The following TOP1 variants were observed in gnomAD, a reference collection of about 807,000 sequenced individuals.
TOP1 encodes DNA topoisomerase I.
Under a neutral mutation model 111.1 loss-of-function variants are expected in TOP1, and 10 were observed. The ratio of observed to expected loss-of-function variants is 0.09; its 90% CI spans 0.06 to 0.15. The LOEUF is 0.15. Among genes scored for constraint, TOP1 ranks in the 10% least tolerant of loss-of-function variants. The pLI, the probability that TOP1 is intolerant of heterozygous loss-of-function variation, is 1.00. For synonymous variants in TOP1, 271 were observed against 302.9 expected (o/e 0.89, Z 1.10); for missense variants, 474 against 926.7 (o/e 0.51, Z 6.34).
rs541856166 is a variant in TOP1, at chr20:41,080,282, T to C, written c.431+102T>C. The C allele has an allele frequency of 1.8e-5, 12 of 684,928 alleles. No individual in the cohort carries two copies. The African/African-American group carries it at 1.8e-4, about 11-fold the overall frequency. The allele number at this position is 684,928 out of a possible 1,614,324, so 42.4% of individuals were successfully genotyped here. ...ATAATACATATAGAAACTGCATTAA[T>C]TGGCTTTTACTCATTTGGAATTTGT... On this transcript the variant is annotated intron_variant, in intron 6 of 20. Coordinates refer to ENST00000361337, the MANE Select transcript of TOP1 (RefSeq NM_003286.4). The surrounding 1 kb of genome is among the most constrained non-coding windows in gnomAD (Gnocchi z 5.0).
At chr20:41,091,539 G>A (rs2033919391) in intron 8 of TOP1, among the ~76,000 whole-genome samples, 1 of 146,800 alleles carries the variant, frequency 6.8e-6, no homozygotes, top group African/African-American at 2.5e-5. Context: ...AGGAAATGTA[G>A]CAAATTATTA....
At chr20:41,059,449 T>TA (rs2033516989) in intron 2 of TOP1, among the ~76,000 whole-genome samples, 1 of 149,986 alleles carries the variant, frequency 6.7e-6, no homozygotes, top group Non-Finnish European at 1.5e-5. Flanking sequence ...AATAAATAAA[T>TA]AAATAAATAA....
At chr20:41,073,238 A>C (rs2033687654) in intron 3 of TOP1, 2 of 985,390 alleles carry the variant, frequency 2.0e-6, no homozygotes, top group Non-Finnish European at 2.4e-6. Context: ...TTTTCTAGTG[A>C]AAATGGCTAA....
intron 13 of TOP1, among the ~76,000 whole-genome samples, chr20:41,108,639 T>C (rs2034185909): frequency 6.6e-6 from 1 of 152,242 alleles, no homozygotes; most frequent in East Asian, 1.9e-4. Flanking sequence ...CCCAGGATTT[T>C]GATTACACAG....
Position 41,046,975 on chromosome 20 carries a change from A to G in TOP1, c.59-14419A>G, listed in dbSNP as rs1005032781. On this transcript the variant is annotated intron_variant, in intron 2 of 20. Coordinates refer to ENST00000361337, the MANE Select transcript of TOP1 (RefSeq NM_003286.4). The surrounding 1 kb of genome is among the most constrained non-coding windows in gnomAD (Gnocchi z 4.3). Reference sequence around the variant, plus strand: ...TTCAAGTCAAGTTGATTGGCCATTCATGAGCTGTGTGCAGGGAGAGAAGAG... The same window carrying G: ...TTCAAGTCAAGTTGATTGGCCATTCGTGAGCTGTGTGCAGGGAGAGAAGAG... Among the ~76,000 whole-genome samples, 4 of 152,226 alleles carry G rather than the reference A, an allele frequency of 2.6e-5. No homozygotes were observed. The highest frequency in any genetic ancestry group is 6.5e-5 in the Admixed American group (1 of 15,286).
At position 41,118,968 on chromosome 20, in the gene TOP1, G is replaced by A. The variant is rs1225743641; in HGVS notation, c.1950+672G>A. ...TTTGATGATGAACATTTTTGTGTTA[G>A]CAGTGACTTCATAACTAATTCATCC... On this transcript the variant is annotated intron_variant, in intron 18 of 20. Transcript: ENST00000361337. This position sits in a 1 kb window ranked among gnomAD's most constrained non-coding sequence, Gnocchi z 4.6. Among the ~76,000 whole-genome samples, 2 of 152,158 alleles carry A rather than the reference G, an allele frequency of 1.3e-5. No individual in the cohort carries two copies. Among genetic ancestry groups the A allele is most frequent in the African/African-American group, 2.4e-5 (1 of 41,428 alleles).
intron 2 of TOP1, among the ~76,000 whole-genome samples, chr20:41,050,157 C>T (rs1474761792): frequency 6.6e-6 from 1 of 152,230 alleles, no homozygotes; most frequent in African/African-American, 2.4e-5. Context: ...GCTGGGATTA[C>T]AGGTGTGCAT....
At chr20:41,049,841 T>TG (rs895954457) in intron 2 of TOP1, among the ~76,000 whole-genome samples, 2 of 152,170 alleles carry the variant, frequency 1.3e-5, no homozygotes, top group South Asian at 2.1e-4. Context: ...GAGATTTTTT[T>TG]TTTGTTTGTT....
chr20:41,103,964 G>C (rs1256897698), intron 13 of TOP1, among the ~76,000 whole-genome samples: 1 of 152,140 alleles, frequency 6.6e-6, no homozygotes, highest in Non-Finnish European at 1.5e-5. Context: ...ATTTACAGCA[G>C]TGTAAATCTA....
chr20:41,091,592 T>C (rs2033921091), intron 8 of TOP1, among the ~76,000 whole-genome samples: 1 of 132,036 alleles, frequency 7.6e-6, no homozygotes, highest in Admixed American at 9.0e-5. Context: ...AGTCTCACTC[T>C]GTTGCCCAGG....
chr20:41,113,892 A>C (rs920318461), intron 14 of TOP1, 78 bp from the exon 15 acceptor site: 15 of 1,239,480 alleles, frequency 1.2e-5, no homozygotes, highest in East Asian at 2.5e-5. Flanking sequence ...AAAAAAAAAA[A>C]AAAAAAACAC....
rs775899843 is a variant in TOP1 at position 41,058,456 on chromosome 20, C to G, written c.59-2938C>G. On this transcript the variant is annotated intron_variant, in intron 2 of 20. Transcript: ENST00000361337. The surrounding 1 kb of genome is among the most constrained non-coding windows in gnomAD (Gnocchi z 4.2). ...GAAAACTTAATTTAGGCTAGAAGGT[C>G]CACTTCCAGGATGGCTCATTCACAT... Among the ~76,000 whole-genome samples the G allele has an allele frequency of 6.6e-6, 1 of 152,186 alleles. No homozygotes were observed. The highest frequency in any genetic ancestry group is 3.2e-3 in the Middle Eastern group (1 of 316).
chr20:41,115,581 C>T lies in TOP1; in HGVS notation c.1707+142C>T, dbSNP rs1052807749. 1.7e-6 allele frequency: 1 copy of T among 603,114 alleles called. No homozygotes were observed. Among genetic ancestry groups the T allele is most frequent in the Non-Finnish European group, 3.0e-6 (1 of 336,584 alleles). 37.4% of individuals were successfully genotyped at this position (603,114 alleles called of 1,614,324 possible). On this transcript the variant is annotated intron_variant, in intron 16 of 20. Transcript: ENST00000361337. The surrounding 1 kb of genome is among the most constrained non-coding windows in gnomAD (Gnocchi z 6.3). The stretch of plus-strand genomic sequence containing the variant: ...GGCATCCCATACACTCTCTCTTCCT[C>T]CCTCTGAGTCCACGGTGAATCTGTA...
chr20:41,095,091 A>G lies in TOP1; in HGVS notation c.731-2129A>G, dbSNP rs138000840. On this transcript the variant is annotated intron_variant, in intron 9 of 20. Transcript: ENST00000361337. This position sits in a 1 kb window ranked among gnomAD's most constrained non-coding sequence, Gnocchi z 4.6. ...ATTTGAGACAGAGTCACACTCTGTCACCCAGGCTGGAGTGCAGTGGCACAA... is the reference window on the plus strand; with the variant it reads ...ATTTGAGACAGAGTCACACTCTGTCGCCCAGGCTGGAGTGCAGTGGCACAA... Among the ~76,000 whole-genome samples, 1,188 of 152,268 alleles carry G rather than the reference A, an allele frequency of 7.8e-3. 10 individuals carry two copies. Among genetic ancestry groups the G allele is most frequent in the African/African-American group, 0.027 (1,126 of 41,540 alleles).
In TOP1 at chr20:41,071,275, A is replaced by T. The variant is rs1283446991; in HGVS notation, c.156-4896A>T. On this transcript the variant is annotated intron_variant, in intron 3 of 20. Coordinates refer to ENST00000361337, the MANE Select transcript of TOP1 (RefSeq NM_003286.4). This position sits in a 1 kb window ranked among gnomAD's most constrained non-coding sequence, Gnocchi z 4.3. ...TTCTGTGGTCTGCTTAGCTCCAACA[A>T]GAATCATAGACCAAAGGTTTTGCTG... Among the ~76,000 whole-genome samples the T allele has an allele frequency of 6.6e-6, 1 of 152,130 alleles. No homozygotes were observed. The highest frequency in any genetic ancestry group is 2.4e-5 in the African/African-American group (1 of 41,408).
rs2033959369 is a variant in TOP1 at position 41,094,512 on chromosome 20, A to G, written c.730+1925A>G. ...TCTCTTCCTTTTCAAGATAGGAAGC[A>G]GAGGCCTGGTCTAGTTCACAGGTTG... On this transcript the variant is annotated intron_variant, in intron 9 of 20. Transcript: ENST00000361337. This position sits in a 1 kb window ranked among gnomAD's most constrained non-coding sequence, Gnocchi z 4.4. Among the ~76,000 whole-genome samples the G allele has an allele frequency of 6.6e-6, 1 of 152,186 alleles. No individual in the cohort carries two copies.
intron 2 of TOP1, among the ~76,000 whole-genome samples, chr20:41,037,608 C>T (rs1175159470): frequency 6.6e-6 from 1 of 152,050 alleles, no homozygotes; most frequent in African/African-American, 2.4e-5. Flanking sequence ...AACAGTTATG[C>T]GTGAGTATAG....
chr20:41,113,143 T>C (rs1454646313), intron 14 of TOP1, among the ~76,000 whole-genome samples: 1 of 152,234 alleles, frequency 6.6e-6, no homozygotes, highest in African/African-American at 2.4e-5. Flanking sequence ...TTTAGAAAGT[T>C]GGTTATAACT....
rs1014603462 is a variant in TOP1 at position 41,032,972 on chromosome 20, A to G, written c.58+3517A>G. On this transcript the variant is annotated intron_variant, in intron 2 of 20. Transcript: ENST00000361337. This position sits in a 1 kb window ranked among gnomAD's most constrained non-coding sequence, Gnocchi z 4.3. ...AGGAAATACTTAAGCATTATGCTCC[A>G]GGGTGGTTTTCTTCCCTTACATTGC... is the stretch of plus-strand genomic sequence containing the variant. 1.3e-5 allele frequency among the ~76,000 whole-genome samples: 2 copies of G among 152,214 alleles called. No homozygotes were observed. Among genetic ancestry groups the G allele is most frequent in the African/African-American group, 4.8e-5 (2 of 41,448 alleles).
Sources: gnomAD v4.1 joint callset for allele counts (sites outside exome capture counted in the v4.1 genomes callset) on GRCh38, gnomAD v4.1.1 for gene constraint, Gnocchi (gnomAD v3.1) non-coding constraint, MANE v1.5 for transcripts, NCBI Gene and HGNC (gene_info 2026-07-23, HGNC 2026-07-21) for gene names.